Variants in PHLDB3 observed in about 807,000 individuals in gnomAD.
PHLDB3 encodes the protein pleckstrin homology like domain family B member 3, also known as pleckstrin homology-like domain family B member 3.
Under a neutral mutation model 85.7 loss-of-function variants are expected in PHLDB3, and 86 were observed. That is an observed-to-expected ratio of 1.00 (90% CI 0.84 to 1.20). PHLDB3 has a LOEUF of 1.20. Among genes scored for constraint, PHLDB3 ranks in the 50% most tolerant of loss-of-function variants. PHLDB3 has a pLI of 0.00. For synonymous variants in PHLDB3, 376 were observed against 349.8 expected (o/e 1.07, Z -0.83); for missense variants, 995 against 873.0 (o/e 1.14, Z -1.76).
At chr19:43,487,985 C>T (rs1286473282) in intron 9 of PHLDB3, among the ~76,000 whole-genome samples, 2 of 151,804 alleles carry the variant, frequency 1.3e-5, no homozygotes, top group African/African-American at 2.4e-5. Context: ...GAAACCCCGT[C>T]TCTACTAAAA....
chr19:43,497,903 T>C, intron 4 of PHLDB3, 27 bp from the exon 5 acceptor site: 1 of 1,583,674 alleles, frequency 6.3e-7, no homozygotes, highest in Non-Finnish European at 8.6e-7. Context: ...GTTCTCACCC[T>C]CAGCTTAAGC....
At chr19:43,491,500 TAAC>T (rs1971310174) in intron 9 of PHLDB3, among the ~76,000 whole-genome samples, 1 of 151,734 alleles carries the variant, frequency 6.6e-6, no homozygotes. Context: ...GATTAATAAA[TAAC>T]AAGATTTTTT....
chr19:43,486,034 A>T (rs1971146669), intron 13 of PHLDB3: 2 of 985,228 alleles, frequency 2.0e-6, no homozygotes, highest in African/African-American at 3.5e-5. Context: ...ACAGAAGAGG[A>T]AAATGAGGCA....
intron 9 of PHLDB3, among the ~76,000 whole-genome samples, 185 bp from the exon 10 acceptor site, chr19:43,487,308 C>T (rs1346039633): frequency 6.6e-6 from 1 of 152,108 alleles, no homozygotes; most frequent in African/African-American, 2.4e-5. Context: ...AGCACAGTGG[C>T]TTATGCCTGT....
At chr19:43,498,500 T>TGATG (rs1599957620) in intron 4 of PHLDB3, among the ~76,000 whole-genome samples, 1 of 146,124 alleles carries the variant, frequency 6.8e-6, no homozygotes, top group East Asian at 2.0e-4. Context: ...AAGGAAGGAA[T>TGATG]GATGGAAGGA....
chr19:43,485,215 TTTTG>T (rs1483373827), intron 13 of PHLDB3, among the ~76,000 whole-genome samples: 1 of 151,040 alleles, frequency 6.6e-6, no homozygotes, highest in African/African-American at 2.5e-5. Flanking sequence ...TAAAAAGGTT[TTTTG>T]TTTTTTTTTT....
chr19:43,487,457 C>A (rs1355881789), intron 9 of PHLDB3, among the ~76,000 whole-genome samples: 7 of 151,462 alleles, frequency 4.6e-5, no homozygotes, highest in Admixed American at 3.3e-4. Context: ...CGCCTGTAGT[C>A]CCAGCTACTC....
rs775270687 is a variant in PHLDB3, at chr19:43,475,539, G to C, written c.1794C>G (p.Pro598=). Residue 598 remains proline (P), a synonymous_variant, in exon 16 of 16, where the codon CCC becomes CCG. Transcript: ENST00000292140. ...YDHLRCAFKS[P]NPRLTFCVKT... is the part of the protein sequence containing the mutation. ...TGACGCAGAAGGTCAGGCGGGGGTT[G>C]GGGCTCTGGAATAAGCAGAAAGTGA... The C allele has an allele frequency of 7.4e-6, 12 of 1,613,762 alleles. No homozygotes were observed.
In PHLDB3 at chr19:43,475,182, C is replaced by T. The variant is rs989560648; in HGVS notation, c.*228G>A. The T allele has an allele frequency of 1.3e-5, 7 of 536,652 alleles. No homozygotes were observed. The African/African-American group carries it at 1.3e-4, about 10-fold the overall frequency. The allele number at this position is 536,652 out of a possible 1,614,324, so 33.2% of individuals were successfully genotyped here. A position where few individuals can be genotyped will look rare whatever the true frequency, so the allele number is the denominator to read the frequency against. ...TTCTTCCCGCCCCTGCAATCTTCCT[C>T]CTGCCCCGGGCAGGGCCTTAGGGGC... is the stretch of plus-strand genomic sequence containing the variant. On this transcript the variant is annotated 3_prime_UTR_variant, in exon 16 of 16. Coordinates refer to ENST00000292140, the MANE Select transcript of PHLDB3 (RefSeq NM_198850.4).
intron 9 of PHLDB3, among the ~76,000 whole-genome samples, chr19:43,491,762 G>A (rs547354781): frequency 6.5e-4 from 99 of 151,362 alleles, no homozygotes; most frequent in Middle Eastern, 3.4e-3. Context: ...CGCCTCCCAG[G>A]TTCAAGCAAT....
intron 9 of PHLDB3, among the ~76,000 whole-genome samples, chr19:43,487,527 A>T (rs1489314320): frequency 7.0e-6 from 1 of 142,104 alleles, no homozygotes; most frequent in East Asian, 2.3e-4. Flanking sequence ...ATGAGCTGAG[A>T]TCGCGCCACT....
chr19:43,499,754 A>G (rs1971544266), intron 4 of PHLDB3, among the ~76,000 whole-genome samples: 1 of 151,916 alleles, frequency 6.6e-6, no homozygotes, highest in African/African-American at 2.4e-5. Flanking sequence ...TTTTTTTGAG[A>G]TGGAGTTCTG....
At chr19:43,483,856 C>T (rs1971096741) in intron 13 of PHLDB3, among the ~76,000 whole-genome samples, 4 of 152,090 alleles carry the variant, frequency 2.6e-5, no homozygotes, top group Admixed American at 2.6e-4. Context: ...TTAGGTCAGG[C>T]ATGATGGTTC....
chr19:43,496,441 T>C (rs997468817), intron 6 of PHLDB3: 2 of 152,190 alleles, frequency 1.3e-5, no homozygotes, highest in African/African-American at 4.8e-5. Context: ...TGATGAAGCA[T>C]CTTTTTGGAA....
At chr19:43,485,586 T>C (rs1269347120) in intron 13 of PHLDB3, among the ~76,000 whole-genome samples, 2 of 150,870 alleles carry the variant, frequency 1.3e-5, no homozygotes, top group African/African-American at 4.9e-5. Context: ...AGACAGATTT[T>C]CGCTCTTATT....
intron 6 of PHLDB3, 24 bp from the exon 7 acceptor site, chr19:43,495,644 C>T (rs777174232): frequency 2.1e-5 from 33 of 1,594,926 alleles, no homozygotes; most frequent in Middle Eastern, 1.7e-4. Flanking sequence ...TCATCTGTCA[C>T]GGCCCCAGCC....
rs761227481 is a variant in PHLDB3, at chr19:43,475,410, T to C, written c.1923A>G (p.Ter641TrpextTer23). The C allele has an allele frequency of 2.8e-5, 45 of 1,613,664 alleles. No homozygotes were observed. The highest frequency in any genetic ancestry group is 1.6e-4 in the Middle Eastern group (1 of 6,082). Residue 641 changes from the stop codon to tryptophan (W), a stop_lost, in exon 16 of 16, where the codon TGA (stop) becomes TGG (tryptophan). Transcript: ENST00000292140. ...VTAADENHAP[*>W] ...CTTCCCCCCAAGAGGGCGGGGCCAC[T>C]CAGGGGGCGTGGTTTTCGTCAGCGG...
intron 9 of PHLDB3, among the ~76,000 whole-genome samples, chr19:43,487,931 A>C (rs921635121): frequency 3.3e-5 from 5 of 151,832 alleles, no homozygotes; most frequent in Admixed American, 3.3e-4. Context: ...AGGCGGGTGA[A>C]TAACTTGAGG....
At chr19:43,475,954 C>A (rs1970919136) in intron 15 of PHLDB3, among the ~76,000 whole-genome samples, 1 of 152,074 alleles carries the variant, frequency 6.6e-6, no homozygotes, top group Non-Finnish European at 1.5e-5. Context: ...TGCCACCACG[C>A]CCAGCTAATT....
Sources: gnomAD v4.1 joint callset for allele counts (sites outside exome capture counted in the v4.1 genomes callset) on GRCh38, gnomAD v4.1.1 for gene constraint, MANE v1.5 for transcripts, NCBI Gene and HGNC (gene_info 2026-07-23, HGNC 2026-07-21) for gene names.